CRLF3: variants seen among roughly 807,000 people sequenced by gnomAD.
CRLF3 encodes cytokine receptor like factor 3.
Under a neutral mutation model 55.0 loss-of-function variants are expected in CRLF3, and 33 were observed. That is an observed-to-expected ratio of 0.60 (90% confidence interval 0.46 to 0.80). The LOEUF (loss-of-function observed/expected upper bound fraction) is 0.80. Among genes scored for constraint, CRLF3 ranks in the 30% least tolerant of loss-of-function variants. The pLI is 0.00. For missense variants in CRLF3, 494 were observed against 538.4 expected (o/e 0.92, Z 0.82); for synonymous variants, 238 against 196.8 (o/e 1.21, Z -1.75).
At chr17:30,787,033 C>T (rs200586979) in intron 6 of CRLF3, among the ~76,000 whole-genome samples, 1 of 152,098 alleles carries the variant, frequency 6.6e-6, no homozygotes, top group Non-Finnish European at 1.5e-5. Flanking sequence ...CACGGTTTCA[C>T]CATGTTGCTC....
chr17:30,802,115 A>C (rs1972014869), intron 2 of CRLF3, among the ~76,000 whole-genome samples: 1 of 151,362 alleles, frequency 6.6e-6, no homozygotes, highest in South Asian at 2.1e-4. Flanking sequence ...AAGAACTCTC[A>C]CCTATTTTAT....
intron 1 of CRLF3, among the ~76,000 whole-genome samples, chr17:30,815,514 G>A (rs1904768533): frequency 6.7e-6 from 1 of 148,412 alleles, no homozygotes; most frequent in African/African-American, 2.5e-5. Flanking sequence ...AAACCACCCT[G>A]CCCGACCAGA....
At chr17:30,791,920 C>T (rs1000907765) in intron 6 of CRLF3, among the ~76,000 whole-genome samples, 2 of 152,064 alleles carry the variant, frequency 1.3e-5, no homozygotes, top group African/African-American at 4.8e-5. Flanking sequence ...GATCTCAGCT[C>T]ACTGCAACCT....
intron 1 of CRLF3, among the ~76,000 whole-genome samples, chr17:30,809,032 T>C (rs575200711): frequency 2.0e-5 from 3 of 152,352 alleles, no homozygotes; most frequent in Admixed American, 6.5e-5. Context: ...ACTGTGCCTC[T>C]GAGGTCCTGT....
intron 7 of CRLF3, chr17:30,784,692 A>G (rs1971594778): frequency 5.0e-6 from 2 of 399,856 alleles, no homozygotes; most frequent in Non-Finnish European, 9.0e-6. Context: ...TGAAATAGCA[A>G]GACTATTTCT....
chr17:30,803,791 A>G, intron 2 of CRLF3, 110 bp downstream of exon 2: 1 of 822,534 alleles, frequency 1.2e-6, no homozygotes, highest in Non-Finnish European at 2.0e-6. Context: ...ATGGAACTGT[A>G]AGTTCATTAA....
At chr17:30,818,217 G>A (rs1302841576) in intron 1 of CRLF3, among the ~76,000 whole-genome samples, 1 of 151,636 alleles carries the variant, frequency 6.6e-6, no homozygotes, top group Non-Finnish European at 1.5e-5. Context: ...CCAAGATTGA[G>A]CCATTGCACT....
intron 7 of CRLF3, chr17:30,784,805 C>A (rs866670911): frequency 5.9e-5 from 12 of 202,614 alleles, no homozygotes; most frequent in African/African-American, 2.2e-4. Context: ...GTTGCCCAGG[C>A]TGGAGTGCAG....
At chr17:30,820,475 G>C (rs1369190673) in intron 1 of CRLF3, among the ~76,000 whole-genome samples, 1 of 152,030 alleles carries the variant, frequency 6.6e-6, no homozygotes, top group Non-Finnish European at 1.5e-5. Flanking sequence ...GATTGCTTGA[G>C]CTCAGGAGTT....
At chr17:30,795,966 A>G (rs1254122664) in intron 4 of CRLF3, among the ~76,000 whole-genome samples, 194 bp downstream of exon 4, 1 of 152,204 alleles carries the variant, frequency 6.6e-6, no homozygotes, top group Admixed American at 6.5e-5. Flanking sequence ...CAAAAAATAA[A>G]TAAATAAAAT....
intron 6 of CRLF3, among the ~76,000 whole-genome samples, chr17:30,789,356 T>G (rs1971731973): frequency 6.6e-6 from 1 of 152,140 alleles, no homozygotes; most frequent in Non-Finnish European, 1.5e-5. Flanking sequence ...GTCTAAGAAA[T>G]AAACCTAACT....
intron 6 of CRLF3, among the ~76,000 whole-genome samples, chr17:30,788,599 C>CCTTTTT (rs1473571497): frequency 1.2e-5 from 1 of 80,036 alleles, no homozygotes; most frequent in Non-Finnish European, 2.2e-5. Flanking sequence ...GTAGTGCCTT[C>CCTTTTT]TTTTTTTTTT....
At chr17:30,793,121 A>T (rs1053955278) in intron 5 of CRLF3, among the ~76,000 whole-genome samples, 3 of 151,732 alleles carry the variant, frequency 2.0e-5, no homozygotes, top group African/African-American at 7.3e-5. Context: ...TGGGCGACAG[A>T]GTGAGACCTT....
At chr17:30,796,744 GACAGAGTCTC>G (rs1034069274) in intron 3 of CRLF3, among the ~76,000 whole-genome samples, 4 of 134,688 alleles carry the variant, frequency 3.0e-5, no homozygotes, top group African/African-American at 1.1e-4. Flanking sequence ...TTTTTTTTCA[GACAGAGTCTC>G]ACTCTGTCCC....
At chr17:30,813,458 T>C (rs1256108624) in intron 1 of CRLF3, among the ~76,000 whole-genome samples, 4 of 152,180 alleles carry the variant, frequency 2.6e-5, no homozygotes, top group South Asian at 2.1e-4. Context: ...TAAAAGAGCA[T>C]TATGATGGGA....
chr17:30,822,647 A>C (rs1442536687), intron 1 of CRLF3, among the ~76,000 whole-genome samples: 1 of 152,228 alleles, frequency 6.6e-6, no homozygotes, highest in Non-Finnish European at 1.5e-5. Flanking sequence ...GAAAAAATAC[A>C]GGTTTGAAAA....
chr17:30,809,080 A>C (rs972609305), intron 1 of CRLF3, among the ~76,000 whole-genome samples: 1 of 152,212 alleles, frequency 6.6e-6, no homozygotes, highest in Non-Finnish European at 1.5e-5. Context: ...CAGGAAGTGC[A>C]TTGGTTAGGT....
At position 30,797,349 on chromosome 17, in the gene CRLF3, CCA is replaced by C. The variant is rs1971934191; in HGVS notation, c.385_386del (p.Trp129GlufsTer22). On this transcript the variant is annotated frameshift_variant, in exon 3 of 8. Transcript: ENST00000324238. LOFTEE classifies it high-confidence loss of function. ...TGTGCGAGGCCTTTTTGGTAAAGCT[CCA>C]CAGTTTCTCATTCTCTTCTCCCACA... ...GGVGEENEKL[W>X]SFTKKASHIQ... 1.9e-6 allele frequency: 3 copies of C among 1,614,022 alleles called. No individual in the cohort carries two copies. The highest frequency in any genetic ancestry group is 2.5e-6 in the Non-Finnish European group (3 of 1,179,928).
Position 30,803,160 on chromosome 17 carries a change from T to G in CRLF3, c.337+741A>C, listed in dbSNP as rs1482764580. On this transcript the variant is annotated intron_variant, in intron 2 of 7. Coordinates refer to ENST00000324238, the MANE Select transcript of CRLF3 (RefSeq NM_015986.4). Reference sequence around the variant, plus strand: ...AGCCTGGGCAACAGAGCAAAACCCCTGTGTCAAAAAAAAAATATATATATA... The same window carrying G: ...AGCCTGGGCAACAGAGCAAAACCCCGGTGTCAAAAAAAAAATATATATATA... Among the ~76,000 whole-genome samples, 5 of 146,440 alleles carry G rather than the reference T, an allele frequency of 3.4e-5. No individual in the cohort carries two copies. The South Asian group carries it at 1.1e-3, about 33-fold the overall frequency.
Sources: gnomAD v4.1 joint callset for allele counts (sites outside exome capture counted in the v4.1 genomes callset) on GRCh38, gnomAD v4.1.1 for gene constraint, MANE v1.5 for transcripts, NCBI Gene and HGNC (gene_info 2026-07-23, HGNC 2026-07-21) for gene names.